The following UPF1 variants were observed in gnomAD, a reference collection of about 807,000 sequenced individuals.
The protein encoded by UPF1 is regulator of nonsense transcripts 1.
UPF1 carries 9 observed loss-of-function variants against 129.2 expected under a neutral mutation model. The ratio of observed to expected loss-of-function variants is 0.07; its 90% confidence interval spans 0.04 to 0.12. The LOEUF is 0.12. UPF1 is among the 10% of genes least tolerant of loss of function. UPF1 has a pLI of 1.00. For missense variants in UPF1, 788 were observed against 1,525.3 expected (o/e 0.52, Z 8.05); for synonymous variants, 649 against 644.9 (o/e 1.01, Z -0.10).
intron 1 of UPF1, among the ~76,000 whole-genome samples, chr19:18,839,172 A>T (rs1322770371): frequency 6.6e-6 from 1 of 151,626 alleles, no homozygotes; most frequent in South Asian, 2.1e-4. Flanking sequence ...GCTCACTACA[A>T]CCTCTGCCTC....
intron 6 of UPF1, among the ~76,000 whole-genome samples, chr19:18,852,561 C>A (rs749858899): frequency 2.6e-5 from 4 of 152,200 alleles, no homozygotes; most frequent in Admixed American, 6.5e-5. Flanking sequence ...CCCACAGTTG[C>A]GAGAGTTAGA....
intron 1 of UPF1, among the ~76,000 whole-genome samples, chr19:18,840,221 T>C (rs1437681245): frequency 3.9e-5 from 6 of 151,994 alleles, no homozygotes; most frequent in African/African-American, 1.5e-4. Flanking sequence ...ATCAGGGCTG[T>C]GTGTGTACAT....
chr19:18,862,580 A>C (rs2145969611), intron 18 of UPF1, among the ~76,000 whole-genome samples: 1 of 152,180 alleles, frequency 6.6e-6, no homozygotes, highest in South Asian at 2.1e-4. Flanking sequence ...TCACACATGT[A>C]ATCCCAGCAC....
Position 18,862,056 on chromosome 19 carries a change from A to G in UPF1, c.2504A>G (p.Asp835Gly). ...SVDAFQGREK[D>G]FIILSCVRAN... ...GACGCCTTTCAGGGACGCGAGAAGG[A>G]CTTCATCATCCTGTCCTGTGTGCGG... The change falls in exon 18 of 24, where the codon GAC (aspartate) becomes GGC (glycine). Residue 835 changes from aspartate to glycine, a missense_variant. By Grantham distance (94) the Asp-to-Gly change is moderately conservative. This residue lies in a region of UPF1 where 140 missense variants were observed against 385.9 expected (regional missense o/e 0.36). Coordinates refer to ENST00000262803, the MANE Select transcript of UPF1 (RefSeq NM_002911.4). 5 of 1,614,000 alleles carry G rather than the reference A, an allele frequency of 3.1e-6. No homozygotes were observed. The highest frequency in any genetic ancestry group is 4.2e-6 in the Non-Finnish European group (5 of 1,180,008).
At position 18,855,954 on chromosome 19, in the gene UPF1, T is replaced by C. The variant is rs1204946256; in HGVS notation, c.1574T>C (p.Ile525Thr). ...GPVLVCAPSNIAVDQLTEKIH... is the reference protein window; with the variant it reads ...GPVLVCAPSNTAVDQLTEKIH... ...GTGCTGGTGTGTGCTCCGAGCAACA[T>C]CGCCGTGGACCAGCTAACGGAGAAG... The change falls in exon 12 of 24, where the codon ATC becomes ACC. Residue 525 changes from isoleucine to threonine, a missense_variant. Physicochemically the swap from Ile to Thr is moderately conservative, Grantham distance 89. Coordinates refer to ENST00000262803, the MANE Select transcript of UPF1 (RefSeq NM_002911.4). The C allele has an allele frequency of 6.2e-7, 1 of 1,613,908 alleles. No homozygotes were observed. Among genetic ancestry groups the C allele is most frequent in the Non-Finnish European group, 8.5e-7 (1 of 1,180,016 alleles).
intron 1 of UPF1, among the ~76,000 whole-genome samples, chr19:18,843,026 A>G (rs369565491): frequency 3.3e-5 from 5 of 151,746 alleles, no homozygotes; most frequent in African/African-American, 4.8e-5. Flanking sequence ...GGGCCTCACT[A>G]TCTTGCCCAG....
intron 1 of UPF1, among the ~76,000 whole-genome samples, chr19:18,836,410 G>A (rs556780661): frequency 6.6e-6 from 1 of 152,262 alleles, no homozygotes; most frequent in Admixed American, 6.5e-5. Flanking sequence ...ACATGGATGT[G>A]TCTCATAATA....
Position 18,864,733 on chromosome 19 carries a change from GTTTTTTTTTTTTT to G in UPF1, c.2857+493_2857+505del, listed in dbSNP as rs10682791. On this transcript the variant is annotated intron_variant, in intron 20 of 23. Transcript: ENST00000262803. ...CACTGCACCTGGCCAATTTGCAGGT[GTTTTTTTTTTTTT>G]TTTTTTTTTTGGAGACCGAGTCTCG... is the stretch of plus-strand genomic sequence containing the variant. 2.3e-4 allele frequency among the ~76,000 whole-genome samples: 17 copies of G among 73,554 alleles called. No individual in the cohort carries two copies. The East Asian group carries it at 6.3e-3, about 27-fold the overall frequency. 48.3% of individuals were successfully genotyped at this position (73,554 alleles called of 152,430 possible).
At chr19:18,855,840 C>A (rs2055711116) in intron 11 of UPF1, 85 bp from the exon 12 acceptor site, 1 of 1,524,000 alleles carries the variant, frequency 6.6e-7, no homozygotes, top group African/African-American at 1.4e-5. Context: ...AGAGCAAGAC[C>A]CTGTCTCAAA....
intron 15 of UPF1, chr19:18,859,904 G>C (rs543164659): frequency 1.5e-3 from 235 of 158,600 alleles, no homozygotes; most frequent in Non-Finnish European, 2.4e-3. Flanking sequence ...GAATGGACAA[G>C]GCTGCAGGGC....
chr19:18,855,415 CT>C, intron 11 of UPF1, 173 bp downstream of exon 11: 1 of 731,690 alleles, frequency 1.4e-6, no homozygotes, highest in Non-Finnish European at 2.2e-6. Flanking sequence ...CAGCTCCAAC[CT>C]TAGGATTGCA....
At chr19:18,857,912 A>C (rs2055736282) in intron 15 of UPF1, among the ~76,000 whole-genome samples, 1 of 152,172 alleles carries the variant, frequency 6.6e-6, no homozygotes, top group African/African-American at 2.4e-5. Flanking sequence ...GGCCCGCAAG[A>C]CCGTGTCCGG....
Position 18,853,058 on chromosome 19 carries a change from C to T in UPF1, c.1044C>T (p.Pro348=). Residue 348 remains proline, a synonymous_variant, in exon 7 of 24, where the codon CCC becomes CCT. Transcript: ENST00000262803. The surrounding 1 kb of genome is among the most constrained non-coding windows in gnomAD (Gnocchi z 4.4). ...AGAGAATCGCCTACTTCACTTTGCC[C>T]AAGACTGACTCTGGTAATGAGGATT... is the stretch of plus-strand genomic sequence containing the variant. The part of the protein sequence containing the change: ...NKKRIAYFTL[P]KTDSDMRLMQ... The T allele has an allele frequency of 6.2e-7, 1 of 1,614,122 alleles. No homozygotes were observed. The highest frequency in any genetic ancestry group is 8.5e-7 in the Non-Finnish European group (1 of 1,180,036).
At chr19:18,833,752 T>G (rs2055454037) in intron 1 of UPF1, among the ~76,000 whole-genome samples, 1 of 152,160 alleles carries the variant, frequency 6.6e-6, no homozygotes, top group Non-Finnish European at 1.5e-5. Flanking sequence ...CATATGCTGG[T>G]GTTTCAGAAC....
Position 18,850,535 on chromosome 19 carries a change from C to T in UPF1, c.630-153C>T, listed in dbSNP as rs904662102. On this transcript the variant is annotated intron_variant, in intron 4 of 23. Coordinates refer to ENST00000262803, the MANE Select transcript of UPF1 (RefSeq NM_002911.4). The surrounding 1 kb of genome is among the most constrained non-coding windows in gnomAD (Gnocchi z 7.1). ...CAGAGCTCAAGTGCACAGGGAGATGCGATTTATTACTAACAGTTTGAAGGT... is the reference window on the plus strand; with the variant it reads ...CAGAGCTCAAGTGCACAGGGAGATGTGATTTATTACTAACAGTTTGAAGGT... 3.3e-5 allele frequency among the ~76,000 whole-genome samples: 5 copies of T among 152,216 alleles called. No homozygotes were observed. The highest frequency in any genetic ancestry group is 9.6e-5 in the African/African-American group (4 of 41,458).
At chr19:18,840,510 C>T (rs898210291) in intron 1 of UPF1, among the ~76,000 whole-genome samples, 2 of 152,076 alleles carry the variant, frequency 1.3e-5, no homozygotes, top group African/African-American at 2.4e-5. Flanking sequence ...AACTGAGGGG[C>T]AGTTTGTGCT....
intron 6 of UPF1, among the ~76,000 whole-genome samples, chr19:18,852,688 T>G: frequency 1.1e-5 from 1 of 93,412 alleles, no homozygotes; most frequent in African/African-American, 4.1e-5. Flanking sequence ...TTTCTGTCCC[T>G]CCCTCCCCTC....
chr19:18,848,864 T>C (rs1302426755), intron 3 of UPF1: 1 of 152,256 alleles, frequency 6.6e-6, no homozygotes, highest in Admixed American at 6.5e-5. Flanking sequence ...TATGTTTGCA[T>C]TTAGTTCCTC....
chr19:18,832,054 T>C lies in UPF1; in HGVS notation c.-156T>C. On this transcript the variant is annotated 5_prime_UTR_variant, in exon 1 of 24. Coordinates refer to ENST00000262803, the MANE Select transcript of UPF1 (RefSeq NM_002911.4). This position sits in a 1 kb window ranked among gnomAD's most constrained non-coding sequence, Gnocchi z 5.6. Reference sequence around the variant, plus strand: ...GCGGCGGCGGCTCGGCACTGTTACCTCTCGGTCCGGCTGGCGCCGGGGCGC... The same window carrying C: ...GCGGCGGCGGCTCGGCACTGTTACCCCTCGGTCCGGCTGGCGCCGGGGCGC... 1.6e-6 allele frequency: 1 copy of C among 624,522 alleles called. No individual in the cohort carries two copies. The highest frequency in any genetic ancestry group is 2.0e-5 in the African/African-American group (1 of 50,416). 38.7% of individuals were successfully genotyped at this position (624,522 alleles called of 1,614,324 possible).
Sources: gnomAD v4.1 joint callset for allele counts (sites outside exome capture counted in the v4.1 genomes callset) on GRCh38, gnomAD v4.1.1 for gene constraint, gnomAD v4.1.1 regional missense constraint, Gnocchi (gnomAD v3.1) non-coding constraint, MANE v1.5 for transcripts, NCBI Gene and HGNC (gene_info 2026-07-23, HGNC 2026-07-21) for gene names.